Variants in LRRC4C observed in about 807,000 individuals in gnomAD.
The protein encoded by LRRC4C is leucine-rich repeat-containing protein 4C.
Under a neutral mutation model 33.6 loss-of-function variants are expected in LRRC4C, and 5 were observed. That is an observed-to-expected ratio of 0.15 (90% CI 0.08 to 0.31). The LOEUF (loss-of-function observed/expected upper bound fraction) is 0.31. Among genes scored for constraint, LRRC4C ranks in the 10% least tolerant of loss-of-function variants. LRRC4C has a pLI of 1.00. For missense variants in LRRC4C, 560 were observed against 796.7 expected (o/e 0.70, Z 3.58); for synonymous variants, 329 against 302.0 (o/e 1.09, Z -0.93).
At chr11:41,167,800 G>T (rs964575381) in intron 1 of LRRC4C, among the ~76,000 whole-genome samples, 5 of 152,118 alleles carry the variant, frequency 3.3e-5, no homozygotes, top group African/African-American at 1.2e-4. Flanking sequence ...CTCCTGCAAT[G>T]AATTTGCATA....
intron 3 of LRRC4C, among the ~76,000 whole-genome samples, chr11:40,581,491 C>T (rs1958462611): frequency 6.6e-6 from 1 of 152,106 alleles, no homozygotes; most frequent in Non-Finnish European, 1.5e-5. Flanking sequence ...GTTTCATTTT[C>T]TTATGTTTCT....
intron 1 of LRRC4C, among the ~76,000 whole-genome samples, chr11:41,050,751 T>C (rs973881208): frequency 2.6e-5 from 4 of 152,174 alleles, no homozygotes; most frequent in Non-Finnish European, 5.9e-5. Context: ...GCAGTAAACA[T>C]ACGTGTGCAT....
chr11:40,186,603 C>T (rs1027428618), intron 5 of LRRC4C, among the ~76,000 whole-genome samples: 2 of 152,202 alleles, frequency 1.3e-5, no homozygotes, highest in African/African-American at 4.8e-5. Context: ...TATGAGTCTA[C>T]ATCACCTTTA....
At chr11:41,211,813 C>T (rs905151398) in intron 1 of LRRC4C, among the ~76,000 whole-genome samples, 1 of 152,120 alleles carries the variant, frequency 6.6e-6, no homozygotes, top group African/African-American at 2.4e-5. Flanking sequence ...GTCTTTATAG[C>T]AGCATGATTT....
intron 3 of LRRC4C, among the ~76,000 whole-genome samples, chr11:40,500,293 TACACACACACACACACAC>T (rs375005241): frequency 9.3e-5 from 9 of 96,852 alleles, no homozygotes; most frequent in East Asian, 3.1e-4. Flanking sequence ...TATATATATA[TACACACACACACACACAC>T]ACACACACAC....
intron 1 of LRRC4C, among the ~76,000 whole-genome samples, chr11:41,148,558 G>T (rs1323507723): frequency 6.6e-6 from 1 of 152,070 alleles, no homozygotes; most frequent in African/African-American, 2.4e-5. Context: ...AGAATTGTAT[G>T]CAAAGGTGAA....
intron 2 of LRRC4C, among the ~76,000 whole-genome samples, chr11:40,678,847 A>G (rs1944539267): frequency 6.6e-6 from 1 of 152,152 alleles, no homozygotes; most frequent in South Asian, 2.1e-4. Context: ...GGGATAATAC[A>G]GTTAATTGGT....
intron 2 of LRRC4C, among the ~76,000 whole-genome samples, chr11:40,729,866 G>T (rs927621207): frequency 2.0e-5 from 3 of 151,970 alleles, no homozygotes; most frequent in Non-Finnish European, 4.4e-5. Flanking sequence ...AAAATAAATG[G>T]CAAGTAGAGA....
chr11:40,855,624 G>A (rs971986656), intron 2 of LRRC4C, among the ~76,000 whole-genome samples: 1 of 152,102 alleles, frequency 6.6e-6, no homozygotes, highest in Admixed American at 6.6e-5. Context: ...AATTCTGTAT[G>A]TATTTTGGCA....
At chr11:41,140,038 C>G (rs779827767) in intron 1 of LRRC4C, among the ~76,000 whole-genome samples, 3 of 152,120 alleles carry the variant, frequency 2.0e-5, no homozygotes, top group African/African-American at 7.2e-5. Flanking sequence ...GTCCCGGTTT[C>G]AAAACAAAGT....
chr11:41,257,006 A>G (rs1163283691), intron 1 of LRRC4C, among the ~76,000 whole-genome samples: 5 of 152,024 alleles, frequency 3.3e-5, no homozygotes. Flanking sequence ...AAAATACAAA[A>G]ATTGAGATAA....
intron 2 of LRRC4C, among the ~76,000 whole-genome samples, chr11:40,849,544 C>T (rs934291701): frequency 6.6e-6 from 1 of 152,088 alleles, no homozygotes; most frequent in African/African-American, 2.4e-5. Context: ...TTGTGGGTAA[C>T]CTTTCTCTCT....
In LRRC4C at chr11:40,288,892, T is replaced by TA. The variant is rs200516136; in HGVS notation, c.-176+30735dup. ...AGGTCCAGACTATGTAATATGTGGCTAAAATGACACACTTAAAATACCAGA... is the reference window on the plus strand; with the variant it reads ...AGGTCCAGACTATGTAATATGTGGCTAAAAATGACACACTTAAAATACCAGA... On this transcript the variant is annotated intron_variant, in intron 4 of 6. Transcript: ENST00000528697. 5.7e-4 allele frequency among the ~76,000 whole-genome samples: 87 copies of TA among 152,280 alleles called. 3 individuals carry two copies. In the East Asian group the frequency reaches 0.016, roughly 28 times the overall value.
In LRRC4C at chr11:41,213,985, A is replaced by G. The variant is rs888761805; in HGVS notation, c.-496+245446T>C. On this transcript the variant is annotated intron_variant, in intron 1 of 6. Transcript: ENST00000528697. Reference sequence around the variant, plus strand: ...ATCTCATTATAATATCCTTTAAAGTACTAAATCTTTCATTAGTAAAAAGAC... The same window carrying G: ...ATCTCATTATAATATCCTTTAAAGTGCTAAATCTTTCATTAGTAAAAAGAC... Among the ~76,000 whole-genome samples, 3 of 152,318 alleles carry G rather than the reference A, an allele frequency of 2.0e-5. No individual in the cohort carries two copies. The East Asian group carries it at 5.8e-4, about 29-fold the overall frequency.
chr11:40,480,137 G>C (rs1002650921), intron 3 of LRRC4C, among the ~76,000 whole-genome samples: 1 of 152,024 alleles, frequency 6.6e-6, no homozygotes, highest in Non-Finnish European at 1.5e-5. Flanking sequence ...TAAGCAGAGA[G>C]GTTCTTTCCT....
chr11:41,251,321 AT>A, intron 1 of LRRC4C, among the ~76,000 whole-genome samples: 1 of 152,188 alleles, frequency 6.6e-6, no homozygotes. Context: ...CTAACATCTA[AT>A]TCTTCGCTGT....
chr11:40,972,136 A>T (rs539748410), intron 1 of LRRC4C, among the ~76,000 whole-genome samples: 7 of 137,882 alleles, frequency 5.1e-5, no homozygotes, highest in South Asian at 2.3e-4. Context: ...GGAAGCCATA[A>T]TTTTTTTTTT....
At chr11:41,135,317 T>C (rs899554052) in intron 1 of LRRC4C, among the ~76,000 whole-genome samples, 2 of 151,944 alleles carry the variant, frequency 1.3e-5, no homozygotes, top group African/African-American at 4.8e-5. Context: ...AAAACAGACG[T>C]GCTAGACAAA....
rs532368222 is a variant in LRRC4C, at chr11:40,871,174, C to G, written c.-407+62461G>C. 3.9e-5 allele frequency among the ~76,000 whole-genome samples: 6 copies of G among 152,196 alleles called. No individual in the cohort carries two copies. In the South Asian group the frequency reaches 1.2e-3, roughly 32 times the overall value. ...TGATAAGATGTTATCAATGAAAATG[C>G]GTGCCAGAAACTTCATTAGCAATTT... On this transcript the variant is annotated intron_variant, in intron 2 of 6. Transcript: ENST00000528697.
Sources: allele counts gnomAD v4.1 joint callset (sites outside exome capture counted in the v4.1 genomes callset), GRCh38; gene constraint gnomAD v4.1.1; transcripts MANE v1.5; gene names NCBI Gene and HGNC (gene_info 2026-07-23, HGNC 2026-07-21).